Variants in DEPDC5 observed in about 807,000 individuals in gnomAD.
DEPDC5 encodes the protein DEP domain containing 5, GATOR1 subcomplex subunit.
Under a neutral mutation model 217.3 loss-of-function variants are expected in DEPDC5, and 73 were observed. The ratio of observed to expected loss-of-function variants is 0.34; its 90% CI spans 0.28 to 0.41. The LOEUF (loss-of-function observed/expected upper bound fraction) is 0.41. Ranked by LOEUF, DEPDC5 falls within the 10% of genes least tolerant of loss-of-function variation. The probability of loss-of-function intolerance (pLI) is 1.00; values close to 1 mark genes in which losing one functional copy is unlikely to be tolerated. For missense variants in DEPDC5, 1,675 were observed against 2,070.1 expected (o/e 0.81, Z 3.70); for synonymous variants, 733 against 756.7 (o/e 0.97, Z 0.51).
At position 31,766,651 on chromosome 22, in the gene DEPDC5, C is replaced by T. The variant is rs1315483224; in HGVS notation, c.346C>T (p.Arg116Ter). The T allele has an allele frequency of 8.1e-6, 13 of 1,613,066 alleles. No homozygotes were observed. Among genetic ancestry groups the T allele is most frequent in the Non-Finnish European group, 8.5e-7 (1 of 1,179,798 alleles). ...GTATATTGGCCGTGGGGATATGTGGCGACTAAAGAAAAGTTTGGTAAGATG... is the reference window on the plus strand; with the variant it reads ...GTATATTGGCCGTGGGGATATGTGGTGACTAAAGAAAAGTTTGGTAAGATG... ...DQYIGRGDMW[R>*]LKKSLVSTCA... Residue 116 changes from arginine (R) to a stop codon, truncating the protein, a stop_gained, in exon 6 of 43, where the codon CGA (arginine) becomes TGA (stop). Transcript: ENST00000651528. LOFTEE classifies it high-confidence loss of function.
chr22:31,852,063 T>C (rs2092056611), intron 31 of DEPDC5, among the ~76,000 whole-genome samples: 2 of 151,908 alleles, frequency 1.3e-5, no homozygotes, highest in Admixed American at 6.6e-5. Context: ...AATGCTGAGG[T>C]GGGAGGATTG....
chr22:31,802,754 T>A lies in DEPDC5; in HGVS notation c.997T>A (p.Ser333Thr). The change falls in exon 15 of 43, where the codon TCA becomes ACA. Residue 333 changes from serine (S) to threonine (T), a missense_variant. By Grantham distance (58) the Ser-to-Thr change is moderately conservative. Coordinates refer to ENST00000651528, the MANE Select transcript of DEPDC5 (RefSeq NM_001242896.3). Reference sequence around the variant, plus strand: ...CAACTTTGACCGAACTGGGCAGATGTCAGTGGTGATCACGCCCGGGGTGGG... The same window carrying A: ...CAACTTTGACCGAACTGGGCAGATGACAGTGGTGATCACGCCCGGGGTGGG... ...NRNFDRTGQM[S>T]VVITPGVGVF... 1 of 1,606,626 alleles carries A rather than the reference T, an allele frequency of 6.2e-7. No homozygotes were observed.
chr22:31,879,120 A>G (rs929757545), intron 37 of DEPDC5, among the ~76,000 whole-genome samples: 2 of 96,638 alleles, frequency 2.1e-5, no homozygotes, highest in African/African-American at 1.4e-4. Flanking sequence ...ATATATACAC[A>G]TATATATATA....
rs1203604555 is a variant in DEPDC5, at chr22:31,806,255, G to A, written c.1287+64G>A. On this transcript the variant is annotated intron_variant, in intron 18 of 42. Transcript: ENST00000651528. Reference sequence around the variant, plus strand: ...TGGTCCAGTCTTATCTTGAGCTCCTGGACTCAATCAGTCCTCCTGTTTCAG... The same window carrying A: ...TGGTCCAGTCTTATCTTGAGCTCCTAGACTCAATCAGTCCTCCTGTTTCAG... 5 of 1,413,720 alleles carry A rather than the reference G, an allele frequency of 3.5e-6. 1 individual carries two copies. The highest frequency in any genetic ancestry group is 2.4e-5 in the South Asian group (2 of 83,354). The allele number at this position is 1,413,720 out of a possible 1,614,324, so 87.6% of individuals were successfully genotyped here.
chr22:31,778,076 A>G (rs2084058870), intron 7 of DEPDC5, 23 bp from the exon 8 acceptor site: 1 of 1,613,660 alleles, frequency 6.2e-7, no homozygotes, highest in Admixed American at 1.7e-5. Context: ...GACTTGTAAT[A>G]ACTTGTGTGT....
At chr22:31,803,011 A>G (rs1321357839) in intron 15 of DEPDC5, among the ~76,000 whole-genome samples, 173 bp downstream of exon 15, 2 of 152,170 alleles carry the variant, frequency 1.3e-5, no homozygotes, top group Non-Finnish European at 2.9e-5. Context: ...TGGTCAAATC[A>G]GTTTGGGAAA....
At chr22:31,792,919 T>A in intron 12 of DEPDC5, 102 bp downstream of exon 12, 2 of 1,012,390 alleles carry the variant, frequency 2.0e-6, no homozygotes, top group Non-Finnish European at 2.7e-6. Flanking sequence ...ACCCTGTCTC[T>A]ACCAAAAATA....
intron 38 of DEPDC5, chr22:31,890,201 A>G (rs2093410718): frequency 6.6e-6 from 1 of 152,202 alleles, no homozygotes; most frequent in African/African-American, 2.4e-5. Context: ...TAGTTCAGGA[A>G]CTAAATCAGG....
intron 4 of DEPDC5, 112 bp from the exon 5 acceptor site, chr22:31,764,863 C>G: frequency 4.1e-6 from 3 of 730,524 alleles, no homozygotes; most frequent in South Asian, 3.4e-5. Flanking sequence ...GTGTGTTGCC[C>G]GTGTCAGATG....
At chr22:31,798,733 G>T in intron 14 of DEPDC5, 77 bp downstream of exon 14, 1 of 1,406,376 alleles carries the variant, frequency 7.1e-7, no homozygotes, top group Non-Finnish European at 9.8e-7. Context: ...TCCTGATCCA[G>T]ACCCTAAGAG....
At chr22:31,874,205 C>A in intron 35 of DEPDC5, 68 bp from the exon 36 acceptor site, 7 of 1,548,182 alleles carry the variant, frequency 4.5e-6, no homozygotes, top group East Asian at 2.4e-5. Flanking sequence ...TCTTTTTCAT[C>A]TTTCCTTCCA....
intron 14 of DEPDC5, among the ~76,000 whole-genome samples, chr22:31,799,467 T>G (rs1046835724): frequency 6.6e-6 from 1 of 151,586 alleles, no homozygotes; most frequent in African/African-American, 2.4e-5. Context: ...GCATTAGGTA[T>G]TTCTCTTAAT....
At chr22:31,872,593 G>T (rs971327363) in intron 34 of DEPDC5, among the ~76,000 whole-genome samples, 1 of 152,136 alleles carries the variant, frequency 6.6e-6, no homozygotes, top group Admixed American at 6.5e-5. Flanking sequence ...CCTGTGAAAG[G>T]CTCTTGGGGC....
At chr22:31,866,012 G>C (rs2092678812) in intron 33 of DEPDC5, among the ~76,000 whole-genome samples, 1 of 152,184 alleles carries the variant, frequency 6.6e-6, no homozygotes, top group Admixed American at 6.5e-5. Context: ...GGAGAGCTGG[G>C]CTGGCAGATC....
chr22:31,847,490 G>A (rs1448523110), intron 31 of DEPDC5, among the ~76,000 whole-genome samples: 1 of 152,156 alleles, frequency 6.6e-6, no homozygotes, highest in East Asian at 1.9e-4. Context: ...GAGGCCTCAG[G>A]AAACTTACAA....
At chr22:31,841,186 G>A (rs987090392) in intron 27 of DEPDC5, among the ~76,000 whole-genome samples, 11 of 152,230 alleles carry the variant, frequency 7.2e-5, no homozygotes, top group Non-Finnish European at 1.5e-5. Context: ...AAAGTGCTGG[G>A]GTTGGACCTG....
At chr22:31,802,961 C>T (rs1183132099) in intron 15 of DEPDC5, 123 bp downstream of exon 15, 51 of 1,283,612 alleles carry the variant, frequency 4.0e-5, no homozygotes, top group Non-Finnish European at 4.6e-5. Flanking sequence ...TGTGTCACAA[C>T]GTCTGTGGAT....
At chr22:31,760,938 A>C (rs1569508484) in intron 4 of DEPDC5, among the ~76,000 whole-genome samples, 1 of 151,608 alleles carries the variant, frequency 6.6e-6, no homozygotes. Flanking sequence ...TGTATCTGAC[A>C]GAACAGATAC....
intron 25 of DEPDC5, chr22:31,834,187 G>T: frequency 1.6e-6 from 1 of 607,712 alleles, no homozygotes; most frequent in Admixed American, 2.4e-5. Context: ...ACCTGTTTTG[G>T]AAGGTGATTC....
Sources: allele counts gnomAD v4.1 joint callset (sites outside exome capture counted in the v4.1 genomes callset), GRCh38; gene constraint gnomAD v4.1.1; transcripts MANE v1.5; gene names NCBI Gene and HGNC (gene_info 2026-07-23, HGNC 2026-07-21).